MED13L: variants seen among roughly 807,000 people sequenced by gnomAD.
The protein encoded by MED13L is mediator of RNA polymerase II transcription subunit 13-like.
A neutral mutation model predicts 220.9 loss-of-function variants in MED13L; 7 were observed. The observed-to-expected ratio is 0.03, with a 90% CI of 0.02 to 0.06. MED13L has a LOEUF of 0.06. Ranked by LOEUF, MED13L falls within the 10% of genes least tolerant of loss-of-function variation. MED13L has a pLI of 1.00. For synonymous variants in MED13L, 1,011 were observed against 1,015.2 expected, an observed-to-expected ratio of 1.00 and a Z score of 0.08; for missense variants, 1,965 against 2,760.5, an observed-to-expected ratio of 0.71 and a Z score of 6.46.
intron 1 of MED13L, among the ~76,000 whole-genome samples, chr12:116,239,155 G>A (rs1237852236): frequency 6.6e-6 from 1 of 151,878 alleles, no homozygotes; most frequent in African/African-American, 2.4e-5. Context: ...CAAAAAAAAA[G>A]GTTTTGCTTC....
At chr12:116,084,741 T>G (rs1231941625) in intron 4 of MED13L, among the ~76,000 whole-genome samples, 1 of 149,506 alleles carries the variant, frequency 6.7e-6, no homozygotes, top group Admixed American at 6.7e-5. Context: ...GCCACCAGTC[T>G]CCAGCCTGGG....
rs375197021 is a variant in MED13L at position 116,276,723 on chromosome 12, A to G, written c.72+337T>C. The stretch of plus-strand genomic sequence containing the variant: ...CTTCCACATTTACGGGGGGAAAAAA[A>G]GGGGGGAAAGGGGAGGAGAAGGGGA... On this transcript the variant is annotated intron_variant, in intron 1 of 30. Transcript: ENST00000281928. The G allele has an allele frequency of 1.6e-3, 1,503 of 957,046 alleles. 4 individuals carry two copies. Among genetic ancestry groups the G allele is most frequent in the African/African-American group, 0.013 (733 of 54,440 alleles). 59.3% of individuals were successfully genotyped at this position (957,046 alleles called of 1,614,324 possible). A position where few individuals can be genotyped will look rare whatever the true frequency, so the allele number is the denominator to read the frequency against.
chr12:116,237,009 A>G, intron 2 of MED13L: 1 of 363,092 alleles, frequency 2.8e-6, no homozygotes, highest in Non-Finnish European at 3.8e-6. Context: ...ATGTAATCTC[A>G]CAATTTTGTC....
At chr12:116,039,942 A>G (rs1397343227) in intron 4 of MED13L, among the ~76,000 whole-genome samples, 1 of 152,138 alleles carries the variant, frequency 6.6e-6, no homozygotes, top group Non-Finnish European at 1.5e-5. Flanking sequence ...GGTGAGTGAG[A>G]GCACCTAGGT....
intron 2 of MED13L, among the ~76,000 whole-genome samples, chr12:116,161,689 T>C (rs1057110798): frequency 3.9e-5 from 6 of 151,992 alleles, no homozygotes; most frequent in South Asian, 2.1e-4. Context: ...CTAAAACACA[T>C]AGGAGGAGCT....
At chr12:116,128,222 A>G (rs1875760514) in intron 2 of MED13L, among the ~76,000 whole-genome samples, 2 of 152,256 alleles carry the variant, frequency 1.3e-5, no homozygotes, top group South Asian at 4.1e-4. Flanking sequence ...ACTATACTGC[A>G]AAGAACCTTC....
In MED13L at chr12:115,975,760, A is replaced by G. The variant is rs374679380; in HGVS notation, c.5365-22T>C. The G allele has an allele frequency of 1.4e-4, 217 of 1,600,952 alleles. 1 individual carries two copies. The highest frequency in any genetic ancestry group is 1.1e-3 in the South Asian group (102 of 90,686). On this transcript the variant is annotated intron_variant, in intron 23 of 30. Coordinates refer to ENST00000281928, the MANE Select transcript of MED13L (RefSeq NM_015335.5). ...GCCGCTGAAATCAAAACCAAAATCAATATCAGTACAAAGCCATACAACTTA... is the reference window on the plus strand; with the variant it reads ...GCCGCTGAAATCAAAACCAAAATCAGTATCAGTACAAAGCCATACAACTTA...
At chr12:116,178,899 T>C (rs1345791857) in intron 2 of MED13L, among the ~76,000 whole-genome samples, 1 of 152,200 alleles carries the variant, frequency 6.6e-6, no homozygotes, top group Admixed American at 6.5e-5. Flanking sequence ...ATAAAGAATG[T>C]ATTAGAGATT....
At chr12:116,189,009 C>T (rs1881089897) in intron 2 of MED13L, among the ~76,000 whole-genome samples, 1 of 152,150 alleles carries the variant, frequency 6.6e-6, no homozygotes, top group South Asian at 2.1e-4. Flanking sequence ...ACAAATAAAG[C>T]TGCTATAAAC....
chr12:116,022,707 A>G lies in MED13L; in HGVS notation c.480-106T>C, dbSNP rs1880133846. ...AGCTCTACTTTATCAACCGTCCAGT[A>G]AGGCTGACTTCTAATTGTGGGCAAA... On this transcript the variant is annotated intron_variant, in intron 4 of 30. Coordinates refer to ENST00000281928, the MANE Select transcript of MED13L (RefSeq NM_015335.5). 6 of 1,196,802 alleles carry G rather than the reference A, an allele frequency of 5.0e-6. No individual in the cohort carries two copies. In the South Asian group the frequency reaches 7.8e-5, roughly 16 times the overall value. The allele number at this position is 1,196,802 out of a possible 1,614,324, so 74.1% of individuals were successfully genotyped here.
chr12:116,054,767 G>C (rs1396978843), intron 4 of MED13L, among the ~76,000 whole-genome samples: 3 of 152,134 alleles, frequency 2.0e-5, no homozygotes, highest in Non-Finnish European at 4.4e-5. Flanking sequence ...ATCTAAGTTG[G>C]TACAGCCAGT....
intron 4 of MED13L, among the ~76,000 whole-genome samples, chr12:116,084,092 C>T (rs909318151): frequency 2.0e-5 from 3 of 152,214 alleles, no homozygotes; most frequent in Admixed American, 6.5e-5. Context: ...GAGCCATGTT[C>T]AAACTTACCA....
chr12:115,973,242 T>A (rs1876710315), intron 25 of MED13L, among the ~76,000 whole-genome samples: 1 of 152,192 alleles, frequency 6.6e-6, no homozygotes, highest in South Asian at 2.1e-4. Context: ...GTGTATTTCA[T>A]CATAAAGACT....
chr12:116,228,308 C>T (rs1376313777), intron 2 of MED13L, among the ~76,000 whole-genome samples: 1 of 152,152 alleles, frequency 6.6e-6, no homozygotes, highest in East Asian at 1.9e-4. Flanking sequence ...CTACACTAAA[C>T]AACAGGTTTT....
chr12:116,073,208 A>G (rs1052859032), intron 4 of MED13L, among the ~76,000 whole-genome samples: 2 of 152,080 alleles, frequency 1.3e-5, no homozygotes, highest in African/African-American at 4.8e-5. Flanking sequence ...TTTAAACTCT[A>G]ATTTTTAAAA....
chr12:116,198,697 T>TC (rs1022306395), intron 2 of MED13L, among the ~76,000 whole-genome samples: 13 of 151,694 alleles, frequency 8.6e-5, no homozygotes, highest in African/African-American at 2.9e-4. Flanking sequence ...CTCTAACACC[T>TC]CCCCTAGACT....
At chr12:116,013,885 A>C (rs1260104915) in intron 8 of MED13L, among the ~76,000 whole-genome samples, 1 of 151,908 alleles carries the variant, frequency 6.6e-6, no homozygotes, top group African/African-American at 2.4e-5. Context: ...TGAGAAAGGG[A>C]CTATGATCTG....
intron 2 of MED13L, among the ~76,000 whole-genome samples, chr12:116,148,074 AGAGGGGGGCGGGAGTG>A (rs1475258199): frequency 1.0e-4 from 10 of 98,332 alleles, no homozygotes; most frequent in East Asian, 3.3e-4. Context: ...AAAAAAAAAA[AGAGGGGGGCGGGAGTG>A]GAGGGGGGCG....
intron 4 of MED13L, among the ~76,000 whole-genome samples, chr12:116,073,358 T>C (rs1192895967): frequency 2.0e-5 from 3 of 152,312 alleles, no homozygotes; most frequent in East Asian, 3.9e-4. Context: ...AGTTCCAACA[T>C]GCTAGCTCTC....
Sources: gnomAD v4.1 joint callset for allele counts (sites outside exome capture counted in the v4.1 genomes callset) on GRCh38, gnomAD v4.1.1 for gene constraint, MANE v1.5 for transcripts, NCBI Gene and HGNC (gene_info 2026-07-23, HGNC 2026-07-21) for gene names.